FARP2: variants seen among roughly 807,000 people sequenced by gnomAD.
FARP2 encodes FERM, ARH/RhoGEF and pleckstrin domain protein 2.
Under a neutral mutation model 130.5 loss-of-function variants are expected in FARP2, and 111 were observed. That is an observed-to-expected ratio of 0.85 (90% confidence interval 0.73 to 1.00). The LOEUF is 1.00. FARP2 is among the 50% of genes least tolerant of loss of function. The probability of loss-of-function intolerance (pLI) is 0.00; values close to 1 mark genes in which losing one functional copy is unlikely to be tolerated. For synonymous variants in FARP2, 504 were observed against 516.9 expected (o/e 0.98, Z 0.34); for missense variants, 1,385 against 1,346.3 (o/e 1.03, Z -0.45).
intron 2 of FARP2, among the ~76,000 whole-genome samples, chr2:241,377,496 C>T (rs1047333667): frequency 5.9e-5 from 9 of 152,102 alleles, no homozygotes; most frequent in Admixed American, 1.3e-4. Context: ...CGCCCGCCAC[C>T]GCGCCTGGCT....
Position 241,491,549 on chromosome 2 carries a change from C to T in FARP2, c.2657C>T (p.Ser886Leu). 1 of 1,613,720 alleles carries T rather than the reference C, an allele frequency of 6.2e-7. No individual in the cohort carries two copies. Among genetic ancestry groups the T allele is most frequent in the Non-Finnish European group, 8.5e-7 (1 of 1,179,914 alleles). The change falls in exon 24 of 27, where the codon TCA becomes TTA. Residue 886 changes from serine to leucine, a missense_variant. Coordinates refer to ENST00000264042, the MANE Select transcript of FARP2 (RefSeq NM_014808.4). Reference protein sequence around the residue: ...SPNEVSLEQESEDDARGVRSS... With the variant: ...SPNEVSLEQELEDDARGVRSS... ...AACGAGGTATCTCTGGAGCAGGAGT[C>T]AGAAGATGATGCTCGGGGTGTCCGC...
chr2:241,457,412 TTGG>T (rs548062983), intron 14 of FARP2, among the ~76,000 whole-genome samples: 22 of 142,854 alleles, frequency 1.5e-4, no homozygotes, highest in South Asian at 6.8e-4. Context: ...GGAGAGGCTC[TTGG>T]GCAGGAGGCC....
chr2:241,368,280 A>G (rs1040630719), intron 1 of FARP2, among the ~76,000 whole-genome samples: 4 of 152,098 alleles, frequency 2.6e-5, no homozygotes, highest in Admixed American at 2.6e-4. Flanking sequence ...ATGGCACAAT[A>G]AGCTGAGTCC....
chr2:241,404,012 C>A (rs2062266169), intron 3 of FARP2, 80 bp downstream of exon 3: 1 of 737,822 alleles, frequency 1.4e-6, no homozygotes, highest in Non-Finnish European at 2.5e-6. Context: ...ATCATTGCCA[C>A]ATCATCAGCA....
intron 8 of FARP2, among the ~76,000 whole-genome samples, chr2:241,421,974 T>C (rs1017451543): frequency 6.6e-5 from 10 of 151,464 alleles, no homozygotes; most frequent in African/African-American, 1.9e-4. Flanking sequence ...TGAAACACCA[T>C]CTCTACTAAA....
intron 13 of FARP2, among the ~76,000 whole-genome samples, chr2:241,448,707 GTTTA>G (rs1358131915): frequency 3.9e-5 from 6 of 152,224 alleles, no homozygotes; most frequent in Admixed American, 6.5e-5. Flanking sequence ...AAAAGGTCTC[GTTTA>G]TTTAGCGCAA....
chr2:241,431,158 A>T (rs555602756), intron 8 of FARP2, among the ~76,000 whole-genome samples: 1 of 152,276 alleles, frequency 6.6e-6, no homozygotes, highest in South Asian at 2.1e-4. Flanking sequence ...ACTGTGTCTG[A>T]TGATAATATT....
chr2:241,464,219 C>G (rs191437918), intron 17 of FARP2, among the ~76,000 whole-genome samples: 124 of 150,104 alleles, frequency 8.3e-4, no homozygotes, highest in African/African-American at 3.0e-3. Flanking sequence ...GGATCCCCCC[C>G]AGACCAGGGT....
rs539012582 is a variant in FARP2, at chr2:241,397,890, C to T, written c.184-5938C>T. On this transcript the variant is annotated intron_variant, in intron 2 of 26. Coordinates refer to ENST00000264042, the MANE Select transcript of FARP2 (RefSeq NM_014808.4). The stretch of plus-strand genomic sequence containing the variant: ...TGTCGCCCAGGCTGGAGTGCAGTGG[C>T]GTGATCTTGGCTCACTGCAACCTCC... Among the ~76,000 whole-genome samples the T allele has an allele frequency of 2.9e-5, 4 of 139,944 alleles. No homozygotes were observed. The East Asian group carries it at 6.3e-4, about 22-fold the overall frequency. 91.8% of individuals were successfully genotyped at this position (139,944 alleles called of 152,430 possible).
intron 12 of FARP2, among the ~76,000 whole-genome samples, chr2:241,439,178 G>T (rs142107819): frequency 0.022 from 3,394 of 151,776 alleles, 50 homozygotes; most frequent in Non-Finnish European, 0.04. Flanking sequence ...ACCGCACCCA[G>T]CTAATTTTGT....
In FARP2 at chr2:241,464,355, G is replaced by A. The variant is rs79399763; in HGVS notation, c.1893+375G>A. On this transcript the variant is annotated intron_variant, in intron 17 of 26. Transcript: ENST00000264042. ...CCCCAGAGCAGGGTCCCCTAAGAGCGGGGTCTCCTCAGAACAGGGACCCCC... is the reference window on the plus strand; with the variant it reads ...CCCCAGAGCAGGGTCCCCTAAGAGCAGGGTCTCCTCAGAACAGGGACCCCC... Among the ~76,000 whole-genome samples, 1,018 of 131,410 alleles carry A rather than the reference G, an allele frequency of 7.7e-3. 11 individuals carry two copies. The highest frequency in any genetic ancestry group is 0.028 in the African/African-American group (959 of 34,534). The allele number at this position is 131,410 out of a possible 152,430, so 86.2% of individuals were successfully genotyped here. A position where few individuals can be genotyped will look rare whatever the true frequency, so the allele number is the denominator to read the frequency against.
At chr2:241,388,770 G>A (rs2150324354) in intron 2 of FARP2, among the ~76,000 whole-genome samples, 1 of 152,286 alleles carries the variant, frequency 6.6e-6, no homozygotes, top group South Asian at 2.1e-4. Flanking sequence ...CAAGGCTGCA[G>A]TGAGCCGTGA....
chr2:241,469,145 G>T (rs2064247194), intron 18 of FARP2, among the ~76,000 whole-genome samples: 1 of 151,404 alleles, frequency 6.6e-6, no homozygotes, highest in African/African-American at 2.4e-5. Flanking sequence ...GGAGTTCAGT[G>T]GTGTGATCTT....
Position 241,463,967 on chromosome 2 carries a change from T to C in FARP2, c.1880T>C (p.Met627Thr), listed in dbSNP as rs772510982. 51 of 1,613,822 alleles carry C rather than the reference T, an allele frequency of 3.2e-5. No individual in the cohort carries two copies. The highest frequency in any genetic ancestry group is 4.0e-5 in the Non-Finnish European group (47 of 1,179,874). ...ATCGGGGACATCCTGCTCAGGAACA[T>C]GCGCCAGTTAAAGGTAGGCTGCATG... is the stretch of plus-strand genomic sequence containing the variant. Reference protein sequence around the residue: ...QRIGDILLRNMRQLKEFTSYF... With the variant: ...QRIGDILLRNTRQLKEFTSYF... Residue 627 changes from methionine (M) to threonine (T), a missense_variant, in exon 17 of 27, where the codon ATG becomes ACG. Met to Thr is a moderately conservative substitution (Grantham distance 81). Coordinates refer to ENST00000264042, the MANE Select transcript of FARP2 (RefSeq NM_014808.4).
chr2:241,386,681 A>C (rs995109054), intron 2 of FARP2: 4 of 152,220 alleles, frequency 2.6e-5, no homozygotes, highest in Non-Finnish European at 5.9e-5. Flanking sequence ...CTGTGCTGTT[A>C]GCAAGCTCCT....
rs1220917648 is a variant in FARP2 at position 241,475,348 on chromosome 2, A to G, written c.2132-509A>G. Among the ~76,000 whole-genome samples, 3 of 152,208 alleles carry G rather than the reference A, an allele frequency of 2.0e-5. No homozygotes were observed. Among genetic ancestry groups the G allele is most frequent in the African/African-American group, 7.2e-5 (3 of 41,450 alleles). ...TAAGTCCTATAAGGCAGGGGTCCCCAGTGCCCATGGCTATGGACTAGTACC... is the reference window on the plus strand; with the variant it reads ...TAAGTCCTATAAGGCAGGGGTCCCCGGTGCCCATGGCTATGGACTAGTACC... On this transcript the variant is annotated intron_variant, in intron 18 of 26. Coordinates refer to ENST00000264042, the MANE Select transcript of FARP2 (RefSeq NM_014808.4). The surrounding 1 kb of genome is among the most constrained non-coding windows in gnomAD (Gnocchi z 4.4).
chr2:241,475,946 C>G lies in FARP2; in HGVS notation c.2221C>G (p.Arg741Gly). 1 of 1,613,942 alleles carries G rather than the reference C, an allele frequency of 6.2e-7. No individual in the cohort carries two copies. Among genetic ancestry groups the G allele is most frequent in the Admixed American group, 1.7e-5 (1 of 60,026 alleles). The part of the protein sequence containing the change: ...ENLQKLTELQ[R>G]DLVGIENLIA... ...CCTGCAGAAGCTAACGGAGCTGCAG[C>G]GGGACCTGGTGGGCATAGAGAACCT... The change falls in exon 19 of 27, where the codon CGG (arginine) becomes GGG (glycine). Residue 741 changes from arginine to glycine, a missense_variant. Arg to Gly is a moderately radical substitution (Grantham distance 125). Transcript: ENST00000264042. The surrounding 1 kb of genome is among the most constrained non-coding windows in gnomAD (Gnocchi z 4.4).
chr2:241,475,830 C>A lies in FARP2; in HGVS notation c.2132-27C>A. Reference sequence around the variant, plus strand: ...TGCTGTGCACACCACTGCCTGTACACCTGTACTGAGGGGTCTCTCCACACA... The same window carrying A: ...TGCTGTGCACACCACTGCCTGTACAACTGTACTGAGGGGTCTCTCCACACA... On this transcript the variant is annotated intron_variant, in intron 18 of 26. Transcript: ENST00000264042. This position sits in a 1 kb window ranked among gnomAD's most constrained non-coding sequence, Gnocchi z 4.4. 6.3e-7 allele frequency: 1 copy of A among 1,595,886 alleles called. No individual in the cohort carries two copies.
intron 2 of FARP2, among the ~76,000 whole-genome samples, chr2:241,377,259 C>T (rs1039650266): frequency 6.6e-6 from 1 of 152,012 alleles, no homozygotes; most frequent in African/African-American, 2.4e-5. Flanking sequence ...GTGCAGATTC[C>T]CCAAGTTGAT....
Sources: gnomAD v4.1 joint callset for allele counts (sites outside exome capture counted in the v4.1 genomes callset) on GRCh38, gnomAD v4.1.1 for gene constraint, Gnocchi (gnomAD v3.1) non-coding constraint, MANE v1.5 for transcripts, NCBI Gene and HGNC (gene_info 2026-07-23, HGNC 2026-07-21) for gene names.